BRPF3: variants seen among roughly 807,000 people sequenced by gnomAD.
BRPF3 encodes bromodomain and PHD finger containing 3.
Under a neutral mutation model 102.0 loss-of-function variants are expected in BRPF3, and 18 were observed. That is an observed-to-expected ratio of 0.18 (90% CI 0.12 to 0.26). BRPF3 has a LOEUF of 0.26. Among genes scored for constraint, BRPF3 ranks in the 10% least tolerant of loss-of-function variants. BRPF3 has a pLI of 1.00. For missense variants in BRPF3, 1,147 were observed against 1,567.8 expected (o/e 0.73, Z 4.53); for synonymous variants, 570 against 614.2 (o/e 0.93, Z 1.06).
Position 36,210,387 on chromosome 6 carries a change from G to A in BRPF3, c.2038G>A (p.Val680Ile). 6.2e-7 allele frequency: 1 copy of A among 1,614,248 alleles called. No individual in the cohort carries two copies. Among genetic ancestry groups the A allele is most frequent in the Non-Finnish European group, 8.5e-7 (1 of 1,180,056 alleles). Residue 680 changes from valine (V) to isoleucine (I), a missense_variant, in exon 6 of 13, where the codon GTC (valine) becomes ATC (isoleucine). Coordinates refer to ENST00000357641, the MANE Select transcript of BRPF3 (RefSeq NM_015695.3). The surrounding 1 kb of genome is among the most constrained non-coding windows in gnomAD (Gnocchi z 4.7). ...AKDTIFHRAA[V>I]RLRDLGGAIL... Reference sequence around the variant, plus strand: ...AGACACAATTTTCCACCGAGCAGCTGTCCGCCTGCGGGACCTGGGAGGGGC... The same window carrying A: ...AGACACAATTTTCCACCGAGCAGCTATCCGCCTGCGGGACCTGGGAGGGGC...
At chr6:36,215,272 C>T (rs1040566666) in intron 8 of BRPF3, among the ~76,000 whole-genome samples, 9 of 152,106 alleles carry the variant, frequency 5.9e-5, no homozygotes, top group Admixed American at 1.3e-4. Context: ...CCCACCACCA[C>T]GCCTTGCTAA....
Position 36,216,970 on chromosome 6 carries a change from T to C in BRPF3, c.2990-947T>C, listed in dbSNP as rs543593710. ...CAGGGGATCACTTGAACCCATGCTATTGAGGCTCCAGTGAACCTTGTTTAC... is the reference window on the plus strand; with the variant it reads ...CAGGGGATCACTTGAACCCATGCTACTGAGGCTCCAGTGAACCTTGTTTAC... On this transcript the variant is annotated intron_variant, in intron 8 of 12. Coordinates refer to ENST00000357641, the MANE Select transcript of BRPF3 (RefSeq NM_015695.3). 8.9e-4 allele frequency among the ~76,000 whole-genome samples: 136 copies of C among 152,296 alleles called. 1 individual carries two copies. The highest frequency in any genetic ancestry group is 1.6e-3 in the Non-Finnish European group (109 of 68,020).
intron 3 of BRPF3, among the ~76,000 whole-genome samples, chr6:36,205,074 A>G (rs1767859191): frequency 6.6e-6 from 1 of 152,208 alleles, no homozygotes; most frequent in South Asian, 2.1e-4. Flanking sequence ...ATGTGGGGAA[A>G]ATCCTCTAGA....
In BRPF3 at chr6:36,211,383, C is replaced by A. The variant is rs748134043; in HGVS notation, c.2305C>A (p.Arg769Ser). Reference sequence around the variant, plus strand: ...CAGTGGGGCCCGCACCCGTCGTGTCCGCCTGCTACGCCGGGAGATCAATGC... The same window carrying A: ...CAGTGGGGCCCGCACCCGTCGTGTCAGCCTGCTACGCCGGGAGATCAATGC... The part of the protein sequence containing the change: ...RSSGARTRRV[R>S]LLRREINALR... Residue 769 changes from arginine to serine, a missense_variant, in exon 7 of 13, where the codon CGC becomes AGC. This residue lies in a region of BRPF3 where 379 missense variants were observed against 426.3 expected (regional missense o/e 0.89). Transcript: ENST00000357641. 6.2e-7 allele frequency: 1 copy of A among 1,614,150 alleles called. No individual in the cohort carries two copies. Among genetic ancestry groups the A allele is most frequent in the Non-Finnish European group, 8.5e-7 (1 of 1,179,984 alleles).
intron 2 of BRPF3, among the ~76,000 whole-genome samples, chr6:36,203,419 G>C (rs541943605): frequency 6.6e-6 from 1 of 151,076 alleles, no homozygotes; most frequent in East Asian, 1.9e-4. Context: ...TATTATTGCT[G>C]TTCTTTTCCC....
At position 36,204,825 on chromosome 6, in the gene BRPF3, T is replaced by C. The variant is rs777917899; in HGVS notation, c.1605+11T>C. Reference sequence around the variant, plus strand: ...AGAAACGCTGAGCAGGTAGGTGCAGTGGTGATTTGAGGCTGGTAGAGGGAG... The same window carrying C: ...AGAAACGCTGAGCAGGTAGGTGCAGCGGTGATTTGAGGCTGGTAGAGGGAG... On this transcript the variant is annotated intron_variant, in intron 3 of 12. Transcript: ENST00000357641. 6.2e-7 allele frequency: 1 copy of C among 1,610,292 alleles called. No individual in the cohort carries two copies. The highest frequency in any genetic ancestry group is 1.7e-5 in the Admixed American group (1 of 59,926).
Position 36,225,283 on chromosome 6 carries a change from G to T in BRPF3, c.3198G>T (p.Leu1066=). ...CACCCCCAGGCAGAAGCCTCCTGCT[G>T]CCCTTTGAAGACCGCGGAGACCTGG... ...DYNGSGRSLL[L]PFEDRGDLEP... Residue 1066 remains leucine (L), a synonymous_variant, in exon 11 of 13, where the codon CTG becomes CTT. Transcript: ENST00000357641. 6.2e-7 allele frequency: 1 copy of T among 1,608,948 alleles called. No individual in the cohort carries two copies.
At chr6:36,213,820 T>C (rs1000209649) in intron 7 of BRPF3, 60 bp from the exon 8 acceptor site, 2 of 1,513,940 alleles carry the variant, frequency 1.3e-6, no homozygotes, top group Non-Finnish European at 1.8e-6. Flanking sequence ...TGTCAGTATC[T>C]AGCTTGTAGG....
Position 36,200,933 on chromosome 6 carries a change from C to T in BRPF3, c.611C>T (p.Ala204Val), listed in dbSNP as rs1767675613. The change falls in exon 2 of 13, where the codon GCC becomes GTC. Residue 204 changes from alanine (A) to valine (V), a missense_variant. By Grantham distance (64) the Ala-to-Val change is moderately conservative (BLOSUM62 0). Around this residue, in one of 11 missense-constraint regions of BRPF3, gnomAD observed 221 missense variants for 337.1 expected, o/e 0.66. Transcript: ENST00000357641. The surrounding 1 kb of genome is among the most constrained non-coding windows in gnomAD (Gnocchi z 5.3). Reference protein sequence around the residue: ...ESYLESRSSGAQQSLIDEDAF... With the variant: ...ESYLESRSSGVQQSLIDEDAF... ...TACTTGGAGAGTCGCAGCAGTGGGG[C>T]CCAACAGTCACTCATCGATGAAGAC... The T allele has an allele frequency of 3.7e-6, 6 of 1,614,134 alleles. No individual in the cohort carries two copies. The highest frequency in any genetic ancestry group is 5.1e-6 in the Non-Finnish European group (6 of 1,180,030).
At chr6:36,217,546 AT>A (rs1220337236) in intron 8 of BRPF3, among the ~76,000 whole-genome samples, 2 of 152,208 alleles carry the variant, frequency 1.3e-5, no homozygotes, top group African/African-American at 4.8e-5. Flanking sequence ...CTACCTGATA[AT>A]CGAGGTTTGA....
rs144510592 is a variant in BRPF3, at chr6:36,232,762, C to T, written c.*2153C>T. ...TGACTGTCTGAAACTTATTTTCTCT[C>T]TGAGAAATAAATGTTCTAATGGGCA... On this transcript the variant is annotated 3_prime_UTR_variant, in exon 13 of 13. Coordinates refer to ENST00000357641, the MANE Select transcript of BRPF3 (RefSeq NM_015695.3). The T allele has an allele frequency of 6.6e-6, 1 of 152,548 alleles. No individual in the cohort carries two copies. Among genetic ancestry groups the T allele is most frequent in the Non-Finnish European group, 1.5e-5 (1 of 68,038 alleles). The allele number at this position is 152,548 out of a possible 1,614,324, so 9.4% of individuals were successfully genotyped here. A position where few individuals can be genotyped will look rare whatever the true frequency, so the allele number is the denominator to read the frequency against.
At position 36,202,792 on chromosome 6, in the gene BRPF3, A is replaced by G. The variant is rs1186569659; in HGVS notation, c.1448+1022A>G. Reference sequence around the variant, plus strand: ...AACCAGGTGGAAAGTGACAGACCCTATACCACAAGAGCTGGGGCTCATGAT... The same window carrying G: ...AACCAGGTGGAAAGTGACAGACCCTGTACCACAAGAGCTGGGGCTCATGAT... On this transcript the variant is annotated intron_variant, in intron 2 of 12. Coordinates refer to ENST00000357641, the MANE Select transcript of BRPF3 (RefSeq NM_015695.3). Among the ~76,000 whole-genome samples, 3 of 152,218 alleles carry G rather than the reference A, an allele frequency of 2.0e-5. 1 individual carries two copies. The highest frequency in any genetic ancestry group is 4.4e-5 in the Non-Finnish European group (3 of 68,042).
In BRPF3 at chr6:36,201,491, G is replaced by GT; in HGVS notation, c.1170dup (p.Ala391CysfsTer5). On this transcript the variant is annotated frameshift_variant, in exon 2 of 13. Transcript: ENST00000357641. LOFTEE classifies it high-confidence loss of function. The surrounding 1 kb of genome is among the most constrained non-coding windows in gnomAD (Gnocchi z 5.1). ...TACTGTGAGGCCCACTCGCCACCAG[G>GT]TGCGGCCACTGCTAGGAGGAAGGGC... is the stretch of plus-strand genomic sequence containing the variant. The GT allele has an allele frequency of 6.2e-7, 1 of 1,614,212 alleles. No homozygotes were observed. The highest frequency in any genetic ancestry group is 8.5e-7 in the Non-Finnish European group (1 of 1,180,044).
chr6:36,199,656 A>G (rs775454636), intron 1 of BRPF3, among the ~76,000 whole-genome samples: 1 of 152,172 alleles, frequency 6.6e-6, no homozygotes, highest in Non-Finnish European at 1.5e-5. Context: ...TTTCTTTTCT[A>G]AACCGTTAAC....
In BRPF3 at chr6:36,207,229, C is replaced by T. The variant is rs1767936475; in HGVS notation, c.1606-84C>T. On this transcript the variant is annotated intron_variant, in intron 3 of 12. Transcript: ENST00000357641. ...TCAAGGAAGGGGACAAGACTTTTAC[C>T]TGCTGCAGCCCCGTGAGGCTTGAAC... The T allele has an allele frequency of 1.1e-5, 17 of 1,536,176 alleles. 1 individual carries two copies. The South Asian group carries it at 2.1e-4, about 19-fold the overall frequency.
chr6:36,205,956 A>G (rs1170960790), intron 3 of BRPF3, among the ~76,000 whole-genome samples: 1 of 152,170 alleles, frequency 6.6e-6, no homozygotes, highest in African/African-American at 2.4e-5. Flanking sequence ...CCCCATCATT[A>G]TGGCTCTCCC....
chr6:36,225,414 G>T, intron 11 of BRPF3, 50 bp downstream of exon 11: 1 of 1,513,856 alleles, frequency 6.6e-7, no homozygotes. Context: ...CTTGCCTTGG[G>T]GGCTAATCTG....
chr6:36,215,665 C>G (rs1451386743), intron 8 of BRPF3, among the ~76,000 whole-genome samples: 1 of 152,092 alleles, frequency 6.6e-6, no homozygotes, highest in Non-Finnish European at 1.5e-5. Flanking sequence ...TGAGGGCAGA[C>G]TGGAAAGGAA....
intron 9 of BRPF3, 134 bp downstream of exon 9, chr6:36,218,144 T>G: frequency 1.0e-4 from 66 of 646,850 alleles, no homozygotes; most frequent in Non-Finnish European, 1.3e-4. Context: ...CTGAGGCCTC[T>G]TATCTGTAAC....
Sources: gnomAD v4.1 joint callset for allele counts (sites outside exome capture counted in the v4.1 genomes callset) on GRCh38, gnomAD v4.1.1 for gene constraint, gnomAD v4.1.1 regional missense constraint, Gnocchi (gnomAD v3.1) non-coding constraint, MANE v1.5 for transcripts, NCBI Gene and HGNC (gene_info 2026-07-23, HGNC 2026-07-21) for gene names.